SGCZ: variants seen among roughly 807,000 people sequenced by gnomAD.
The protein encoded by SGCZ is zeta-sarcoglycan.
A neutral mutation model predicts 41.3 loss-of-function variants in SGCZ; 40 were observed. That is an observed-to-expected ratio of 0.97 (90% CI 0.75 to 1.26). The LOEUF is 1.26. SGCZ is among the 50% of genes most tolerant of loss of function. The pLI is 0.00. For synonymous variants in SGCZ, 206 were observed against 137.5 expected (o/e 1.50, Z -3.49); for missense variants, 552 against 369.8 (o/e 1.49, Z -4.04).
At chr8:14,241,354 T>C (rs973242166) in intron 3 of SGCZ, among the ~76,000 whole-genome samples, 8 of 150,756 alleles carry the variant, frequency 5.3e-5, no homozygotes, top group South Asian at 4.2e-4. Flanking sequence ...ATTTAAGTTA[T>C]GTAAAAGTAA....
intron 1 of SGCZ, among the ~76,000 whole-genome samples, chr8:14,578,887 A>G (rs948043265): frequency 5.9e-5 from 9 of 152,128 alleles, no homozygotes; most frequent in African/African-American, 1.7e-4. Flanking sequence ...ATTAATTTTA[A>G]TTGTTGAAAA....
chr8:14,119,350 T>G (rs1251848005), intron 5 of SGCZ, among the ~76,000 whole-genome samples: 1 of 151,416 alleles, frequency 6.6e-6, no homozygotes, highest in African/African-American at 2.4e-5. Context: ...GACTCATGAT[T>G]TGGCTCTCTG....
chr8:15,193,654 C>T (rs2117116211), intron 1 of SGCZ, among the ~76,000 whole-genome samples: 1 of 151,378 alleles, frequency 6.6e-6, no homozygotes, highest in East Asian at 1.9e-4. Context: ...AAGCATTGTT[C>T]TCTTACAACT....
At chr8:14,256,045 T>C (rs1799452964) in intron 3 of SGCZ, among the ~76,000 whole-genome samples, 1 of 152,120 alleles carries the variant, frequency 6.6e-6, no homozygotes, top group African/African-American at 2.4e-5. Flanking sequence ...ACTAAGTGAT[T>C]GCTTGATATA....
At chr8:14,865,782 G>T in intron 1 of SGCZ, among the ~76,000 whole-genome samples, 1 of 152,122 alleles carries the variant, frequency 6.6e-6, no homozygotes, top group Non-Finnish European at 1.5e-5. Context: ...CAAGCACTTA[G>T]GGAACTAGCT....
chr8:15,009,120 C>T (rs1185300966), intron 1 of SGCZ, among the ~76,000 whole-genome samples: 2 of 152,082 alleles, frequency 1.3e-5, no homozygotes, highest in Non-Finnish European at 2.9e-5. Flanking sequence ...AAAGAAATAC[C>T]TAAGACTGGG....
chr8:14,615,119 G>T (rs1348396563), intron 1 of SGCZ, among the ~76,000 whole-genome samples: 1 of 152,076 alleles, frequency 6.6e-6, no homozygotes, highest in Non-Finnish European at 1.5e-5. Context: ...GACAGTAAAG[G>T]AGAAACATTA....
At chr8:14,603,256 A>G (rs1805650338) in intron 1 of SGCZ, among the ~76,000 whole-genome samples, 1 of 152,200 alleles carries the variant, frequency 6.6e-6, no homozygotes, top group African/African-American at 2.4e-5. Context: ...GCAACGTTAG[A>G]CATTGAAAAT....
At chr8:14,686,579 G>A (rs111872946) in intron 1 of SGCZ, among the ~76,000 whole-genome samples, 2,043 of 152,066 alleles carry the variant, frequency 0.013, 39 homozygotes, top group Middle Eastern at 0.037. Context: ...ACAGGAAGAC[G>A]GCCAGGTTTT....
In SGCZ at chr8:14,731,718, A is replaced by G. The variant is rs142840717; in HGVS notation, c.40-176792T>C. Among the ~76,000 whole-genome samples the G allele has an allele frequency of 5.5e-4, 83 of 152,246 alleles. No homozygotes were observed. The East Asian group carries it at 0.015, about 28-fold the overall frequency. Reference sequence around the variant, plus strand: ...ATATGACACATTTTGTAAAGATTACATATTTTAATTTTTGTTCATTTCTGG... The same window carrying G: ...ATATGACACATTTTGTAAAGATTACGTATTTTAATTTTTGTTCATTTCTGG... On this transcript the variant is annotated intron_variant, in intron 1 of 7. Coordinates refer to ENST00000382080, the MANE Select transcript of SGCZ (RefSeq NM_139167.4).
At position 14,683,058 on chromosome 8, in the gene SGCZ, G is replaced by A. The variant is rs572291260; in HGVS notation, c.40-128132C>T. 2.6e-5 allele frequency among the ~76,000 whole-genome samples: 4 copies of A among 152,152 alleles called. No individual in the cohort carries two copies. The South Asian group carries it at 8.3e-4, about 32-fold the overall frequency. On this transcript the variant is annotated intron_variant, in intron 1 of 7. Coordinates refer to ENST00000382080, the MANE Select transcript of SGCZ (RefSeq NM_139167.4). The stretch of plus-strand genomic sequence containing the variant: ...AATATTTCTATAAGGTACAAAATAA[G>A]CAACTTGTGAAAACCCATGATGATA...
intron 2 of SGCZ, among the ~76,000 whole-genome samples, chr8:14,395,338 G>C (rs943281912): frequency 1.3e-5 from 2 of 152,154 alleles, no homozygotes; most frequent in African/African-American, 4.8e-5. Flanking sequence ...AAACAGAATA[G>C]AATTCAGTGT....
At chr8:15,237,376 C>T (rs1433379500) in intron 1 of SGCZ, among the ~76,000 whole-genome samples, 4 of 152,176 alleles carry the variant, frequency 2.6e-5, no homozygotes, top group South Asian at 2.1e-4. Flanking sequence ...GCGCCCAGCC[C>T]GGGAGTGCAG....
chr8:15,151,120 G>T (rs1799169114), intron 1 of SGCZ, among the ~76,000 whole-genome samples: 1 of 152,234 alleles, frequency 6.6e-6, no homozygotes, highest in Non-Finnish European at 1.5e-5. Flanking sequence ...GAGGATGGAG[G>T]CTGTCTATTC....
At chr8:14,417,691 A>T (rs1799532123) in intron 2 of SGCZ, among the ~76,000 whole-genome samples, 1 of 151,924 alleles carries the variant, frequency 6.6e-6, no homozygotes. Flanking sequence ...GTACTCTTGA[A>T]ATTTGCTAAG....
chr8:14,863,334 C>T (rs114316153), intron 1 of SGCZ, among the ~76,000 whole-genome samples: 3,579 of 152,040 alleles, frequency 0.024, 52 homozygotes, highest in Middle Eastern at 0.048. Flanking sequence ...ATTATTATTA[C>T]TATTTTTAGA....
chr8:14,095,961 G>A (rs1295381878), intron 7 of SGCZ, among the ~76,000 whole-genome samples: 1 of 152,160 alleles, frequency 6.6e-6, no homozygotes, highest in Non-Finnish European at 1.5e-5. Flanking sequence ...TTTGTAACCT[G>A]AGACTTTGCT....
chr8:14,565,031 C>T (rs573720822), intron 1 of SGCZ, among the ~76,000 whole-genome samples: 218 of 151,964 alleles, frequency 1.4e-3, no homozygotes, highest in African/African-American at 5.0e-3. Flanking sequence ...AACCTAGCAA[C>T]TGAATTTCAA....
intron 1 of SGCZ, among the ~76,000 whole-genome samples, chr8:15,087,524 A>C (rs1357615245): frequency 6.6e-6 from 1 of 152,136 alleles, no homozygotes; most frequent in African/African-American, 2.4e-5. Flanking sequence ...GCCAATAGAC[A>C]AAAGCTCAAC....
Sources: gnomAD v4.1 joint callset for allele counts (sites outside exome capture counted in the v4.1 genomes callset) on GRCh38, gnomAD v4.1.1 for gene constraint, MANE v1.5 for transcripts, NCBI Gene and HGNC (gene_info 2026-07-23, HGNC 2026-07-21) for gene names.